Variants in ADCY5 observed in about 807,000 individuals in gnomAD.
ADCY5 encodes the protein adenylate cyclase type 5.
Under a neutral mutation model 119.7 loss-of-function variants are expected in ADCY5, and 30 were observed. The observed-to-expected ratio is 0.25, with a 90% CI of 0.19 to 0.34. The LOEUF (loss-of-function observed/expected upper bound fraction) is 0.34. ADCY5 is among the 10% of genes least tolerant of loss of function. The pLI is 1.00. For missense variants in ADCY5, 1,324 were observed against 1,775.2 expected (o/e 0.75, Z 4.57); for synonymous variants, 753 against 762.2 (o/e 0.99, Z 0.20).
In ADCY5 at chr3:123,448,299, G is replaced by T; in HGVS notation, c.247C>A (p.Leu83Met). The T allele has an allele frequency of 1.3e-6, 2 of 1,540,322 alleles. No individual in the cohort carries two copies. Among genetic ancestry groups the T allele is most frequent in the Non-Finnish European group, 1.7e-6 (2 of 1,154,220 alleles). The part of the protein sequence containing the change: ...WRSDDDDDPP[L>M]SGDDPLAGGF... ...CCGGCCAGGGGGTCGTCACCGCTCAGCGGAGGATCGTCGTCGTCGTCGCTG... is the reference window on the plus strand; with the variant it reads ...CCGGCCAGGGGGTCGTCACCGCTCATCGGAGGATCGTCGTCGTCGTCGCTG... Residue 83 changes from leucine (L) to methionine (M), a missense_variant, in exon 1 of 21, where the codon CTG becomes ATG. Physicochemically the swap from Leu to Met is conservative, Grantham distance 15. This residue lies in a region of ADCY5 where 585 missense variants were observed against 569.9 expected (regional missense o/e 1.03). Coordinates refer to ENST00000462833, the MANE Select transcript of ADCY5 (RefSeq NM_183357.3).
intron 1 of ADCY5, among the ~76,000 whole-genome samples, chr3:123,393,857 C>T (rs1944468006): frequency 6.7e-6 from 1 of 148,380 alleles, no homozygotes; most frequent in Admixed American, 6.7e-5. Context: ...AAGATAGCGG[C>T]TGGGCGCGGT....
At chr3:123,290,544 C>T (rs931269761) in intron 18 of ADCY5, among the ~76,000 whole-genome samples, 1 of 152,226 alleles carries the variant, frequency 6.6e-6, no homozygotes, top group Non-Finnish European at 1.5e-5. Flanking sequence ...CTACCGGGCT[C>T]TGCATCCCCA....
chr3:123,295,976 A>G, intron 17 of ADCY5, 108 bp downstream of exon 17: 4 of 1,477,950 alleles, frequency 2.7e-6, no homozygotes, highest in Non-Finnish European at 3.7e-6. Flanking sequence ...ACAGCTTGAC[A>G]GTGTAAGACG....
intron 1 of ADCY5, among the ~76,000 whole-genome samples, chr3:123,408,321 T>G (rs1444566223): frequency 1.3e-5 from 2 of 151,648 alleles, no homozygotes; most frequent in Admixed American, 1.3e-4. Context: ...GCAAGAAAAT[T>G]AGCATACAAA....
intron 3 of ADCY5, among the ~76,000 whole-genome samples, chr3:123,344,029 C>T (rs953243305): frequency 3.3e-5 from 5 of 152,176 alleles, no homozygotes; most frequent in African/African-American, 4.8e-5. Flanking sequence ...GGCTGCGCCC[C>T]GGGGTGGTGT....
chr3:123,366,251 G>A (rs6781704), intron 1 of ADCY5, among the ~76,000 whole-genome samples: 66,934 of 152,104 alleles, frequency 0.44, 16,681 homozygotes, highest in East Asian at 0.69. Context: ...CAAAGGGGAG[G>A]CAGGACAGGA....
Position 123,352,716 on chromosome 3 carries a change from GCCAACCA to G in ADCY5, c.1135-142_1135-136del. On this transcript the variant is annotated intron_variant, in intron 1 of 20. Coordinates refer to ENST00000462833, the MANE Select transcript of ADCY5 (RefSeq NM_183357.3). The surrounding 1 kb of genome is among the most constrained non-coding windows in gnomAD (Gnocchi z 4.8). ...AAATGCTGAGGGCACCCCACACGCG[GCCAACCA>G]CTGTGAGCAGCCGAGCATAATCGAT... The G allele has an allele frequency of 4.9e-6, 5 of 1,026,720 alleles. No individual in the cohort carries two copies. The highest frequency in any genetic ancestry group is 6.9e-6 in the Non-Finnish European group (5 of 726,490). The allele number at this position is 1,026,720 out of a possible 1,614,324, so 63.6% of individuals were successfully genotyped here.
intron 1 of ADCY5, among the ~76,000 whole-genome samples, chr3:123,432,412 G>C (rs1044575923): frequency 1.3e-5 from 2 of 152,198 alleles, no homozygotes; most frequent in African/African-American, 4.8e-5. Flanking sequence ...AGAAGGAACC[G>C]GGTGGAGGGA....
chr3:123,418,559 C>G (rs1211147059), intron 1 of ADCY5, among the ~76,000 whole-genome samples: 1 of 152,148 alleles, frequency 6.6e-6, no homozygotes, highest in African/African-American at 2.4e-5. Flanking sequence ...TATGGGCGCC[C>G]TGGCTTTACA....
chr3:123,434,203 A>G (rs1488774760), intron 1 of ADCY5, among the ~76,000 whole-genome samples: 1 of 152,238 alleles, frequency 6.6e-6, no homozygotes, highest in Non-Finnish European at 1.5e-5. Flanking sequence ...CAGCAGCTCC[A>G]AAGTTAACTA....
chr3:123,331,039 A>G (rs1242088469), intron 4 of ADCY5, 23 bp from the exon 5 acceptor site: 3 of 1,597,884 alleles, frequency 1.9e-6, no homozygotes, highest in Non-Finnish European at 1.7e-6. Flanking sequence ...TTAATTTTAC[A>G]AATTAAAAAT....
intron 7 of ADCY5, among the ~76,000 whole-genome samples, chr3:123,325,714 T>C (rs1260957241): frequency 2.0e-5 from 3 of 152,214 alleles, no homozygotes; most frequent in Admixed American, 2.0e-4. Context: ...GAGTTGGTCT[T>C]GTGAGAAAGC....
chr3:123,315,291 CT>C (rs1940853662), intron 11 of ADCY5, among the ~76,000 whole-genome samples: 1 of 152,208 alleles, frequency 6.6e-6, no homozygotes, highest in African/African-American at 2.4e-5. Flanking sequence ...ACTTAGCTGC[CT>C]TCAACAAACG....
chr3:123,330,823 C>T, intron 5 of ADCY5, 66 bp downstream of exon 5: 1 of 1,503,356 alleles, frequency 6.7e-7, no homozygotes. Context: ...GCCGGCAGGT[C>T]AGTCAGTCGC....
intron 1 of ADCY5, among the ~76,000 whole-genome samples, chr3:123,446,702 A>T (rs1186152637): frequency 6.6e-6 from 1 of 152,138 alleles, no homozygotes; most frequent in Non-Finnish European, 1.5e-5. Flanking sequence ...ACAAGCAATG[A>T]CCAGGGGCAC....
intron 1 of ADCY5, among the ~76,000 whole-genome samples, chr3:123,427,549 C>A (rs1254214650): frequency 6.6e-6 from 1 of 152,178 alleles, no homozygotes; most frequent in Non-Finnish European, 1.5e-5. Context: ...ATCCTCTAAG[C>A]TGGCTCAGAG....
intron 1 of ADCY5, among the ~76,000 whole-genome samples, chr3:123,443,234 C>T (rs1164030068): frequency 6.6e-6 from 1 of 152,068 alleles, no homozygotes; most frequent in Non-Finnish European, 1.5e-5. Context: ...AAGAAAGGGA[C>T]TCCATGGAGT....
intron 1 of ADCY5, among the ~76,000 whole-genome samples, chr3:123,446,614 G>A (rs1945819765): frequency 6.6e-6 from 1 of 152,194 alleles, no homozygotes. Context: ...AGCTAACCAG[G>A]CAAAAGTTGT....
intron 3 of ADCY5, among the ~76,000 whole-genome samples, chr3:123,346,758 G>A (rs1393498405): frequency 6.6e-6 from 1 of 152,096 alleles, no homozygotes; most frequent in African/African-American, 2.4e-5. Flanking sequence ...CAACCTCAGA[G>A]GACTCGTGAG....
Sources: gnomAD v4.1 joint callset for allele counts (sites outside exome capture counted in the v4.1 genomes callset) on GRCh38, gnomAD v4.1.1 for gene constraint, gnomAD v4.1.1 regional missense constraint, Gnocchi (gnomAD v3.1) non-coding constraint, MANE v1.5 for transcripts, NCBI Gene and HGNC (gene_info 2026-07-23, HGNC 2026-07-21) for gene names.